Variants in KBTBD12 observed in about 807,000 individuals in gnomAD.
KBTBD12 encodes kelch repeat and BTB domain containing 12, also known as kelch repeat and BTB domain-containing protein 12.
In KBTBD12, 53 loss-of-function variants were observed where a neutral mutation model predicts 58.7. That is an observed-to-expected ratio of 0.90 (90% CI 0.72 to 1.14). The LOEUF is 1.14. Ranked by LOEUF, KBTBD12 falls within the 50% of genes most tolerant of loss-of-function variation. KBTBD12 has a pLI of 0.00. For synonymous variants in KBTBD12, 236 were observed against 259.8 expected (o/e 0.91, Z 0.88); for missense variants, 704 against 751.3 (o/e 0.94, Z 0.74).
chr3:127,958,234 G>A (rs1238793966), intron 4 of KBTBD12, among the ~76,000 whole-genome samples: 1 of 152,140 alleles, frequency 6.6e-6, no homozygotes, highest in African/African-American at 2.4e-5. Context: ...AGGAGGTACA[G>A]TCAGCAGAGT....
intron 4 of KBTBD12, among the ~76,000 whole-genome samples, chr3:127,954,902 T>C (rs1170574456): frequency 1.3e-5 from 2 of 152,210 alleles, no homozygotes; most frequent in East Asian, 3.9e-4. Flanking sequence ...CCCATCTCCT[T>C]GTAGTGGTTT....
chr3:127,984,393 T>A lies in KBTBD12; in HGVS notation c.*115T>A, dbSNP rs981969036. The stretch of plus-strand genomic sequence containing the variant: ...TGCACTGCATGCGTAGTGGCCTGTG[T>A]GTGAAGAAGCAGTGTGTGCTGGGCA... On this transcript the variant is annotated 3_prime_UTR_variant, in exon 6 of 6. Transcript: ENST00000405109. The A allele has an allele frequency of 1.0e-6, 1 of 991,400 alleles. No individual in the cohort carries two copies. Among genetic ancestry groups the A allele is most frequent in the African/African-American group, 1.6e-5 (1 of 61,678 alleles). 61.4% of individuals were successfully genotyped at this position (991,400 alleles called of 1,614,324 possible).
Position 127,923,305 on chromosome 3 carries a change from G to A in KBTBD12, c.244G>A (p.Val82Met). 3 of 1,613,752 alleles carry A rather than the reference G, an allele frequency of 1.9e-6. No individual in the cohort carries two copies. Among genetic ancestry groups the A allele is most frequent in the South Asian group, 1.1e-5 (1 of 91,070 alleles). ...ACTTTATGACATCACAGCAGAAAGT[G>A]TGTCGGTGTTATTAAATTACATGTA... ...VILYDITAESVSVLLNYMYNA... is the reference protein window; with the variant it reads ...VILYDITAESMSVLLNYMYNA... Residue 82 changes from valine to methionine, a missense_variant, in exon 2 of 6, where the codon GTG (valine) becomes ATG (methionine). Val to Met is a conservative substitution (Grantham distance 21, BLOSUM62 1). Coordinates refer to ENST00000405109, the MANE Select transcript of KBTBD12 (RefSeq NM_207335.4).
rs554566687 is a variant in KBTBD12 at position 127,932,891 on chromosome 3, G to A, written c.1492+2608G>A. On this transcript the variant is annotated intron_variant, in intron 4 of 5. Transcript: ENST00000405109. Reference sequence around the variant, plus strand: ...GTTTCACTTAATAGTCATAAAAGCAGATAAATTATTAACTGTCTTCTATAT... The same window carrying A: ...GTTTCACTTAATAGTCATAAAAGCAAATAAATTATTAACTGTCTTCTATAT... 2.6e-5 allele frequency among the ~76,000 whole-genome samples: 4 copies of A among 152,252 alleles called. No individual in the cohort carries two copies. In the South Asian group the frequency reaches 6.2e-4, roughly 24 times the overall value.
At position 127,924,015 on chromosome 3, in the gene KBTBD12, G is replaced by C. The variant is rs766339000; in HGVS notation, c.954G>C (p.Glu318Asp). The C allele has an allele frequency of 1.9e-6, 3 of 1,613,738 alleles. No homozygotes were observed. The highest frequency in any genetic ancestry group is 2.5e-6 in the Non-Finnish European group (3 of 1,179,698). ...TCATCTCATCTCCCAAGTACGGAGA[G>C]GGTTTAGGAACTGTGTGTACTGGTG... is the stretch of plus-strand genomic sequence containing the variant. ...TYFISSPKYG[E>D]GLGTVCTGVV... The change falls in exon 2 of 6, where the codon GAG (glutamate) becomes GAC (aspartate). Residue 318 changes from glutamate (E) to aspartate (D), a missense_variant. Glu to Asp is a conservative substitution (Grantham distance 45, BLOSUM62 2). Coordinates refer to ENST00000405109, the MANE Select transcript of KBTBD12 (RefSeq NM_207335.4).
At chr3:127,944,480 A>T (rs1940027192) in intron 4 of KBTBD12, among the ~76,000 whole-genome samples, 1 of 152,154 alleles carries the variant, frequency 6.6e-6, no homozygotes, top group African/African-American at 2.4e-5. Context: ...TTGTCAGATA[A>T]GTGGTTGTTG....
chr3:127,944,532 C>T (rs1940028276), intron 4 of KBTBD12, among the ~76,000 whole-genome samples: 2 of 152,028 alleles, frequency 1.3e-5, no homozygotes, highest in Admixed American at 6.5e-5. Context: ...GATTTTGTAT[C>T]CTGTAACTTC....
intron 4 of KBTBD12, among the ~76,000 whole-genome samples, chr3:127,955,861 G>T (rs573879213): frequency 6.6e-6 from 1 of 152,336 alleles, no homozygotes; most frequent in South Asian, 2.1e-4. Flanking sequence ...GCATCATTGT[G>T]TACTTGAATA....
chr3:127,982,762 G>C (rs1329200178), intron 5 of KBTBD12, among the ~76,000 whole-genome samples: 1 of 152,196 alleles, frequency 6.6e-6, no homozygotes, highest in Non-Finnish European at 1.5e-5. Context: ...CCCTGTCCCA[G>C]CTCCAGTGCT....
rs370972630 is a variant in KBTBD12, at chr3:127,937,782, A to G, written c.1492+7499A>G. Among the ~76,000 whole-genome samples, 30 of 152,330 alleles carry G rather than the reference A, an allele frequency of 2.0e-4. No homozygotes were observed. The South Asian group carries it at 5.6e-3, about 28-fold the overall frequency. ...GTGATCATGAAACTGAAAAACACCAATGAAAAGAGAATATCTTAAAAGCAA... is the reference window on the plus strand; with the variant it reads ...GTGATCATGAAACTGAAAAACACCAGTGAAAAGAGAATATCTTAAAAGCAA... On this transcript the variant is annotated intron_variant, in intron 4 of 5. Coordinates refer to ENST00000405109, the MANE Select transcript of KBTBD12 (RefSeq NM_207335.4).
intron 1 of KBTBD12, among the ~76,000 whole-genome samples, chr3:127,921,142 A>G (rs1184962564): frequency 6.6e-6 from 1 of 152,178 alleles, no homozygotes; most frequent in Non-Finnish European, 1.5e-5. Flanking sequence ...TTGTACATGC[A>G]TGGCCTTATT....
chr3:127,945,021 C>T (rs1172679976), intron 4 of KBTBD12, among the ~76,000 whole-genome samples: 1 of 151,802 alleles, frequency 6.6e-6, no homozygotes, highest in Non-Finnish European at 1.5e-5. Flanking sequence ...GCTGGGACCA[C>T]AGACTCATGC....
chr3:127,953,090 C>T (rs1940241871), intron 4 of KBTBD12, among the ~76,000 whole-genome samples: 1 of 152,134 alleles, frequency 6.6e-6, no homozygotes. Context: ...GCAGTTGTTG[C>T]AAAGCTTAAG....
At chr3:127,939,957 C>T (rs1460434683) in intron 4 of KBTBD12, among the ~76,000 whole-genome samples, 1 of 152,024 alleles carries the variant, frequency 6.6e-6, no homozygotes, top group Non-Finnish European at 1.5e-5. Context: ...GCTGGGGTGG[C>T]TTTGTGAAGA....
At chr3:127,945,621 C>G (rs1378829803) in intron 4 of KBTBD12, among the ~76,000 whole-genome samples, 1 of 151,542 alleles carries the variant, frequency 6.6e-6, no homozygotes, top group Non-Finnish European at 1.5e-5. Flanking sequence ...AAGTCTCTTC[C>G]CCAGTTTTCA....
At chr3:127,922,609 C>G (rs1939441193) in intron 1 of KBTBD12, among the ~76,000 whole-genome samples, 1 of 152,108 alleles carries the variant, frequency 6.6e-6, no homozygotes, top group South Asian at 2.1e-4. Context: ...ACTGATGCCC[C>G]TATACCCTCT....
At chr3:127,928,937 T>G (rs1305421289) in intron 3 of KBTBD12, among the ~76,000 whole-genome samples, 1 of 152,188 alleles carries the variant, frequency 6.6e-6, no homozygotes, top group Non-Finnish European at 1.5e-5. Flanking sequence ...ACATTTAATT[T>G]TTTCTGCTAT....
intron 4 of KBTBD12, among the ~76,000 whole-genome samples, chr3:127,942,294 G>C (rs1383831890): frequency 1.3e-5 from 2 of 152,008 alleles, no homozygotes; most frequent in Non-Finnish European, 2.9e-5. Flanking sequence ...ATGTGCGGTG[G>C]GAGTACCTGA....
At chr3:127,933,815 T>C (rs184771563) in intron 4 of KBTBD12, among the ~76,000 whole-genome samples, 108 of 152,160 alleles carry the variant, frequency 7.1e-4, no homozygotes, top group Non-Finnish European at 1.2e-3. Flanking sequence ...GGCTAAAATA[T>C]AAAAATGATA....
Sources: allele counts gnomAD v4.1 joint callset (sites outside exome capture counted in the v4.1 genomes callset), GRCh38; gene constraint gnomAD v4.1.1; transcripts MANE v1.5; gene names NCBI Gene and HGNC (gene_info 2026-07-23, HGNC 2026-07-21).